Variants in FAM184B observed in about 807,000 individuals in gnomAD.
FAM184B encodes the protein family with sequence similarity 184 member B.
Under a neutral mutation model 135.9 loss-of-function variants are expected in FAM184B, and 111 were observed. The observed-to-expected ratio is 0.82, with a 90% CI of 0.70 to 0.96. The LOEUF is 0.96. Among genes scored for constraint, FAM184B ranks in the 40% least tolerant of loss-of-function variants. The pLI, the probability that FAM184B is intolerant of heterozygous loss-of-function variation, is 0.00. For missense variants in FAM184B, 1,375 were observed against 1,323.9 expected (o/e 1.04, Z -0.60); for synonymous variants, 552 against 524.8 (o/e 1.05, Z -0.71).
chr4:17,670,775 T>C (rs909316074), intron 7 of FAM184B, among the ~76,000 whole-genome samples: 15 of 152,218 alleles, frequency 9.9e-5, no homozygotes, highest in Admixed American at 3.3e-4. Flanking sequence ...TCAGGTCTCA[T>C]GGCCACTGGA....
At chr4:17,737,418 C>T (rs1310929235) in intron 1 of FAM184B, among the ~76,000 whole-genome samples, 1 of 151,396 alleles carries the variant, frequency 6.6e-6, no homozygotes, top group Non-Finnish European at 1.5e-5. Context: ...GAAAGGAAAG[C>T]ATGAAATTTC....
rs569239352 is a variant in FAM184B, at chr4:17,728,294, G to T, written c.142-18650C>A. On this transcript the variant is annotated intron_variant, in intron 1 of 17. Transcript: ENST00000265018. ...CCCAGCTACTCAGGAGGCTGAGATG[G>T]GAGGATTGCTAGAGCCTAGGAGGTT... is the stretch of plus-strand genomic sequence containing the variant. Among the ~76,000 whole-genome samples, 8 of 152,264 alleles carry T rather than the reference G, an allele frequency of 5.3e-5. No homozygotes were observed. In the East Asian group the frequency reaches 1.4e-3, roughly 26 times the overall value.
intron 1 of FAM184B, among the ~76,000 whole-genome samples, chr4:17,715,557 C>T (rs1264134717): frequency 6.6e-6 from 1 of 151,966 alleles, no homozygotes; most frequent in African/African-American, 2.4e-5. Flanking sequence ...GGAATAAATT[C>T]AAGAGATCTT....
chr4:17,762,194 T>C (rs1228390185), intron 1 of FAM184B, among the ~76,000 whole-genome samples: 1 of 152,208 alleles, frequency 6.6e-6, no homozygotes, highest in African/African-American at 2.4e-5. Context: ...ACTGAGTGAA[T>C]GAGTAAATGA....
chr4:17,673,814 T>G (rs573145794), intron 7 of FAM184B, among the ~76,000 whole-genome samples: 1 of 134,510 alleles, frequency 7.4e-6, no homozygotes. Context: ...CTGAGTGCAG[T>G]GTATATTGCT....
chr4:17,690,855 G>A (rs1232044123), intron 6 of FAM184B, among the ~76,000 whole-genome samples: 3 of 152,132 alleles, frequency 2.0e-5, no homozygotes, highest in Admixed American at 6.6e-5. Context: ...GACAAGGATC[G>A]GGTGTGATGA....
intron 9 of FAM184B, among the ~76,000 whole-genome samples, chr4:17,659,384 G>GT (rs1387607623): frequency 2.0e-5 from 3 of 152,078 alleles, no homozygotes; most frequent in African/African-American, 4.8e-5. Flanking sequence ...TGGGATTACA[G>GT]GTGTGAACCA....
At position 17,722,454 on chromosome 4, in the gene FAM184B, T is replaced by C. The variant is rs575574155; in HGVS notation, c.142-12810A>G. 5.9e-5 allele frequency among the ~76,000 whole-genome samples: 9 copies of C among 152,336 alleles called. No homozygotes were observed. In the East Asian group the frequency reaches 1.7e-3, roughly 29 times the overall value. ...AATGAGCTTGGAATGGATTTCTAGA[T>C]AGATCCAAAACGCTAATTAAAATCT... On this transcript the variant is annotated intron_variant, in intron 1 of 17. Coordinates refer to ENST00000265018, the MANE Select transcript of FAM184B (RefSeq NM_015688.2).
intron 12 of FAM184B, among the ~76,000 whole-genome samples, chr4:17,643,813 C>A (rs1715391431): frequency 6.6e-6 from 1 of 152,164 alleles, no homozygotes. Context: ...CTGGTGGAGA[C>A]CCTGCTGAGG....
chr4:17,673,032 C>T (rs2315559), intron 7 of FAM184B, among the ~76,000 whole-genome samples: 87,497 of 151,782 alleles, frequency 0.58, 26,071 homozygotes, highest in East Asian at 0.83. Flanking sequence ...ATACATCTGA[C>T]AAAGGACTAA....
At chr4:17,686,686 A>G (rs1716598384) in intron 7 of FAM184B, among the ~76,000 whole-genome samples, 1 of 152,248 alleles carries the variant, frequency 6.6e-6, no homozygotes, top group Non-Finnish European at 1.5e-5. Flanking sequence ...TCATGCCTGT[A>G]ATCCCAGCCC....
intron 6 of FAM184B, among the ~76,000 whole-genome samples, chr4:17,692,214 T>G (rs1716753200): frequency 3.4e-5 from 5 of 147,286 alleles, no homozygotes; most frequent in South Asian, 2.2e-4. Context: ...GAGGAGGGAG[T>G]GAGGGAAAGG....
chr4:17,762,722 T>C (rs1718574179), intron 1 of FAM184B, among the ~76,000 whole-genome samples: 1 of 152,228 alleles, frequency 6.6e-6, no homozygotes, highest in South Asian at 2.1e-4. Flanking sequence ...GCATCCAAAC[T>C]AGCACAACTA....
At chr4:17,641,429 C>A (rs6825737) in intron 13 of FAM184B, among the ~76,000 whole-genome samples, 5,941 of 146,930 alleles carry the variant, frequency 0.04, 401 homozygotes, top group African/African-American at 0.14. Context: ...TCATAAATGC[C>A]CTGATTTGCA....
chr4:17,780,893 C>G (rs1430553090), intron 1 of FAM184B, among the ~76,000 whole-genome samples: 3 of 152,194 alleles, frequency 2.0e-5, no homozygotes, highest in African/African-American at 7.2e-5. Flanking sequence ...GATTCACATT[C>G]CCACCTTGGA....
chr4:17,748,069 A>T (rs1267928425), intron 1 of FAM184B, among the ~76,000 whole-genome samples: 2 of 133,938 alleles, frequency 1.5e-5, no homozygotes, highest in East Asian at 4.2e-4. Flanking sequence ...GCGCCACTCC[A>T]CTCCAGCCTG....
rs767677970 is a variant in FAM184B, at chr4:17,781,285, G to A, written c.15C>T (p.Leu5=). ...TGCCGGGCGGGTTAATTTTGCTGTT[G>A]AGAGCAGAAGCCATCGCTAAAACGC... MASA[L]NSKINPPGTC... Residue 5 remains leucine (L), a synonymous_variant, in exon 1 of 18, where the codon CTC becomes CTT. Coordinates refer to ENST00000265018, the MANE Select transcript of FAM184B (RefSeq NM_015688.2). This position sits in a 1 kb window ranked among gnomAD's most constrained non-coding sequence, Gnocchi z 6.5. 3 of 1,541,980 alleles carry A rather than the reference G, an allele frequency of 1.9e-6. No homozygotes were observed. The highest frequency in any genetic ancestry group is 2.0e-5 in the Admixed American group (1 of 49,896).
chr4:17,781,244 T>G lies in FAM184B; in HGVS notation c.56A>C (p.Lys19Thr). 6.4e-7 allele frequency: 1 copy of G among 1,550,772 alleles called. No individual in the cohort carries two copies. Among genetic ancestry groups the G allele is most frequent in the South Asian group, 1.2e-5 (1 of 83,826 alleles). The part of the protein sequence containing the change: ...INPPGTCQGS[K>T]ADGGAGWRMD... The stretch of plus-strand genomic sequence containing the variant: ...TCTCCAGCCGGCGCCACCGTCGGCT[T>G]TGGAGCCCTGGCAAGTGCCGGGCGG... The change falls in exon 1 of 18, where the codon AAA becomes ACA. Residue 19 changes from lysine (K) to threonine (T), a missense_variant. Lys to Thr is a moderately conservative substitution (Grantham distance 78, BLOSUM62 -1). Coordinates refer to ENST00000265018, the MANE Select transcript of FAM184B (RefSeq NM_015688.2). This position sits in a 1 kb window ranked among gnomAD's most constrained non-coding sequence, Gnocchi z 6.5.
At chr4:17,661,321 C>T (rs1270047236) in intron 8 of FAM184B, among the ~76,000 whole-genome samples, 1 of 152,110 alleles carries the variant, frequency 6.6e-6, no homozygotes, top group African/African-American at 2.4e-5. Flanking sequence ...GAGGCAGAGG[C>T]GGGTGGATGA....
Sources: gnomAD v4.1 joint callset for allele counts (sites outside exome capture counted in the v4.1 genomes callset) on GRCh38, gnomAD v4.1.1 for gene constraint, Gnocchi (gnomAD v3.1) non-coding constraint, MANE v1.5 for transcripts, NCBI Gene and HGNC (gene_info 2026-07-23, HGNC 2026-07-21) for gene names.